The following SLX4IP variants were observed in gnomAD, a reference collection of about 807,000 sequenced individuals.
The protein encoded by SLX4IP is SLX4 interacting protein.
In SLX4IP, 34 loss-of-function variants were observed where a neutral mutation model predicts 32.9. The observed-to-expected ratio is 1.03, with a 90% CI of 0.79 to 1.38. The LOEUF (loss-of-function observed/expected upper bound fraction) is 1.38, where lower values mean the gene tolerates loss of function less well. Ranked by LOEUF, SLX4IP falls within the 40% of genes most tolerant of loss-of-function variation. SLX4IP has a pLI of 0.00. For synonymous variants in SLX4IP, 172 were observed against 171.7 expected, an observed-to-expected ratio of 1.00 and a Z score of -0.01; for missense variants, 444 against 479.0, an observed-to-expected ratio of 0.93 and a Z score of 0.68.
intron 2 of SLX4IP, among the ~76,000 whole-genome samples, chr20:10,532,778 A>ATT (rs71334411): frequency 1.4e-5 from 2 of 146,646 alleles, no homozygotes; most frequent in Non-Finnish European, 1.5e-5. Context: ...GCCACAAGCA[A>ATT]TTTTTTTTTT....
intron 3 of SLX4IP, among the ~76,000 whole-genome samples, chr20:10,556,813 C>G (rs1041498454): frequency 2.0e-5 from 3 of 152,222 alleles, no homozygotes; most frequent in Admixed American, 2.0e-4. Flanking sequence ...GGTGTTCCTT[C>G]TCACAATGGT....
At chr20:10,489,587 C>T (rs1451010647) in intron 2 of SLX4IP, among the ~76,000 whole-genome samples, 1 of 152,094 alleles carries the variant, frequency 6.6e-6, no homozygotes, top group Non-Finnish European at 1.5e-5. Context: ...CCTAATTTCC[C>T]CAGAACCCTT....
At chr20:10,447,242 G>C (rs888838623) in intron 1 of SLX4IP, among the ~76,000 whole-genome samples, 5 of 152,222 alleles carry the variant, frequency 3.3e-5, no homozygotes, top group African/African-American at 1.2e-4. Flanking sequence ...TCTGGTGTGT[G>C]GAGTCTGCCC....
intron 5 of SLX4IP, 111 bp downstream of exon 5, chr20:10,598,863 A>G (rs2066806955): frequency 6.5e-6 from 7 of 1,071,254 alleles, no homozygotes; most frequent in Admixed American, 3.7e-5. Flanking sequence ...CATTGCCTTC[A>G]TGTCTTGAGT....
At chr20:10,461,309 T>C (rs997448744) in intron 2 of SLX4IP, among the ~76,000 whole-genome samples, 6 of 152,256 alleles carry the variant, frequency 3.9e-5, no homozygotes, top group Non-Finnish European at 8.8e-5. Context: ...GGAAATGGCA[T>C]ATTCTGCTAC....
chr20:10,593,349 C>T (rs2066734243), intron 4 of SLX4IP, among the ~76,000 whole-genome samples: 1 of 152,002 alleles, frequency 6.6e-6, no homozygotes, highest in Non-Finnish European at 1.5e-5. Context: ...TAATTTCCTA[C>T]AGCAGTTAAA....
chr20:10,491,250 A>G (rs2065620885), intron 2 of SLX4IP, among the ~76,000 whole-genome samples: 1 of 152,232 alleles, frequency 6.6e-6, no homozygotes, highest in African/African-American at 2.4e-5. Context: ...TTTGCCAAAC[A>G]TAATACCCAT....
intron 2 of SLX4IP, among the ~76,000 whole-genome samples, chr20:10,491,599 G>A (rs1379005335): frequency 6.6e-6 from 1 of 152,082 alleles, no homozygotes; most frequent in Non-Finnish European, 1.5e-5. Flanking sequence ...TTTTACATCT[G>A]AAGATTACTT....
At chr20:10,618,940 TGGG>T (rs59862780) in intron 6 of SLX4IP, among the ~76,000 whole-genome samples, 1 of 41,776 alleles carries the variant, frequency 2.4e-5, no homozygotes, top group Non-Finnish European at 4.9e-5. Flanking sequence ...GCTTGGGGGT[TGGG>T]GGGGCGGGGG....
intron 2 of SLX4IP, among the ~76,000 whole-genome samples, chr20:10,500,737 C>T (rs780796888): frequency 2.0e-5 from 3 of 151,992 alleles, no homozygotes; most frequent in Non-Finnish European, 4.4e-5. Flanking sequence ...GATGACAGAG[C>T]GAGACCCTGT....
At chr20:10,512,784 A>C (rs567192228) in intron 2 of SLX4IP, among the ~76,000 whole-genome samples, 172 of 11,288 alleles carry the variant, frequency 0.015, 3 homozygotes, top group Non-Finnish European at 0.023. Flanking sequence ...CACTCTATAT[A>C]TATATATATA....
At chr20:10,577,983 CCTAA>C (rs756514632) in intron 4 of SLX4IP, among the ~76,000 whole-genome samples, 30 of 152,264 alleles carry the variant, frequency 2.0e-4, no homozygotes, top group Non-Finnish European at 3.1e-4. Flanking sequence ...CCTCATTCTT[CCTAA>C]CTATTTAGTT....
intron 4 of SLX4IP, among the ~76,000 whole-genome samples, chr20:10,598,079 C>T (rs747947510): frequency 2.0e-5 from 3 of 152,064 alleles, no homozygotes; most frequent in East Asian, 1.9e-4. Context: ...TCGCAAGCTC[C>T]GACTGAATTA....
chr20:10,541,854 G>A (rs1214648993), intron 2 of SLX4IP, among the ~76,000 whole-genome samples: 3 of 152,226 alleles, frequency 2.0e-5, no homozygotes, highest in African/African-American at 7.2e-5. Flanking sequence ...AAGATTCAGA[G>A]AGGCTGAGAA....
Position 10,623,524 on chromosome 20 carries a change from A to G in SLX4IP, c.*145A>G, listed in dbSNP as rs1026962234. On this transcript the variant is annotated 3_prime_UTR_variant, in exon 8 of 8. Transcript: ENST00000334534. ...GAAGTGTGTTATCTGTGTTATGGCT[A>G]TGGTTTGTTTTCAAAGCATTTCAAA... is the stretch of plus-strand genomic sequence containing the variant. 7.1e-6 allele frequency: 9 copies of G among 1,260,034 alleles called. No homozygotes were observed. The highest frequency in any genetic ancestry group is 2.7e-5 in the Admixed American group (1 of 36,466). The allele number at this position is 1,260,034 out of a possible 1,614,324, so 78.1% of individuals were successfully genotyped here.
intron 2 of SLX4IP, among the ~76,000 whole-genome samples, chr20:10,509,943 C>G (rs1290443314): frequency 6.6e-6 from 1 of 152,118 alleles, no homozygotes. Flanking sequence ...TCCCAAATTG[C>G]TGGGATTACA....
At chr20:10,529,590 C>CAAA (rs71334410) in intron 2 of SLX4IP, among the ~76,000 whole-genome samples, 7,718 of 53,364 alleles carry the variant, frequency 0.14, 1,274 homozygotes, top group Non-Finnish European at 0.19. Flanking sequence ...GACTCCATCT[C>CAAA]AAAAAAAAAA....
At chr20:10,505,471 G>A (rs936786081) in intron 2 of SLX4IP, among the ~76,000 whole-genome samples, 1 of 152,218 alleles carries the variant, frequency 6.6e-6, no homozygotes, top group East Asian at 1.9e-4. Flanking sequence ...TCTTTAGCCC[G>A]ACTGTGAACT....
chr20:10,480,916 A>G (rs916657686), intron 2 of SLX4IP, among the ~76,000 whole-genome samples: 1 of 152,116 alleles, frequency 6.6e-6, no homozygotes, highest in African/African-American at 2.4e-5. Context: ...TTTCACCACT[A>G]TTATCTGATA....
Sources: gnomAD v4.1 joint callset for allele counts (sites outside exome capture counted in the v4.1 genomes callset) on GRCh38, gnomAD v4.1.1 for gene constraint, MANE v1.5 for transcripts, NCBI Gene and HGNC (gene_info 2026-07-23, HGNC 2026-07-21) for gene names.